The following BPIFC variants were observed in gnomAD, a reference collection of about 807,000 sequenced individuals.
The protein encoded by BPIFC is BPI fold-containing family C protein.
Under a neutral mutation model 57.6 loss-of-function variants are expected in BPIFC, and 60 were observed. The ratio of observed to expected loss-of-function variants is 1.04; its 90% CI spans 0.85 to 1.29. The LOEUF (loss-of-function observed/expected upper bound fraction) is 1.29, where lower values mean the gene tolerates loss of function less well. BPIFC is among the 50% of genes most tolerant of loss of function. The pLI, the probability that BPIFC is intolerant of heterozygous loss-of-function variation, is 0.00. For synonymous variants in BPIFC, 243 were observed against 224.5 expected (o/e 1.08, Z -0.74); for missense variants, 581 against 600.5 (o/e 0.97, Z 0.34).
intron 10 of BPIFC, among the ~76,000 whole-genome samples, chr22:32,434,838 A>G (rs1934345758): frequency 6.6e-6 from 1 of 152,204 alleles, no homozygotes; most frequent in African/African-American, 2.4e-5. Flanking sequence ...GCTCAATAAA[A>G]GTTTTTGGTT....
Position 32,442,672 on chromosome 22 carries a change from C to T in BPIFC, c.654G>A (p.Glu218=). The T allele has an allele frequency of 2.5e-6, 4 of 1,613,238 alleles. No homozygotes were observed. Among genetic ancestry groups the T allele is most frequent in the Non-Finnish European group, 3.4e-6 (4 of 1,179,270 alleles). Residue 218 remains glutamate (E), a splice_region_variant and synonymous_variant, in exon 8 of 17, where the codon GAG becomes GAA. Coordinates refer to ENST00000300399, the MANE Select transcript of BPIFC (RefSeq NM_174932.3). The part of the protein sequence containing the change: ...KALNANLSTL[E]VLTKIDNYTL... Reference sequence around the variant, plus strand: ...GGAAAAGACAGTTCTAAGACTCACCCTCCAGTGTGCTGAGGTTGGCATTTA... The same window carrying T: ...GGAAAAGACAGTTCTAAGACTCACCTTCCAGTGTGCTGAGGTTGGCATTTA...
chr22:32,432,291 C>T (rs539865781), intron 12 of BPIFC, 82 bp downstream of exon 12: 253 of 1,471,388 alleles, frequency 1.7e-4, no homozygotes, highest in Admixed American at 5.3e-4. Context: ...CCTCTTCAAA[C>T]GTTTAAAAGC....
chr22:32,433,788 C>A lies in BPIFC; in HGVS notation c.925-16G>T, dbSNP rs369245764. ...GGTTGGAAATCTGGAAAATAAAGCCCATTATGTCACTGTTAGGATTTTACG... is the reference window on the plus strand; with the variant it reads ...GGTTGGAAATCTGGAAAATAAAGCCAATTATGTCACTGTTAGGATTTTACG... On this transcript the variant is annotated splice_polypyrimidine_tract_variant and intron_variant, in intron 10 of 16. Transcript: ENST00000300399. The A allele has an allele frequency of 1.1e-5, 17 of 1,609,880 alleles. No homozygotes were observed. In the African/African-American group the frequency reaches 1.9e-4, roughly 18 times the overall value.
intron 4 of BPIFC, among the ~76,000 whole-genome samples, chr22:32,451,377 G>A (rs1231728472): frequency 6.6e-6 from 1 of 152,158 alleles, no homozygotes; most frequent in African/African-American, 2.4e-5. Flanking sequence ...ATACTCCTTT[G>A]GGTATATACC....
intron 3 of BPIFC, among the ~76,000 whole-genome samples, chr22:32,454,205 T>C (rs919988633): frequency 6.6e-6 from 1 of 152,190 alleles, no homozygotes; most frequent in East Asian, 1.9e-4. Context: ...CTGTGTGCTA[T>C]GGACAGTTCC....
At chr22:32,432,975 G>A (rs887167703) in intron 11 of BPIFC, among the ~76,000 whole-genome samples, 13 of 152,256 alleles carry the variant, frequency 8.5e-5, no homozygotes, top group South Asian at 2.1e-4. Flanking sequence ...GGCTGAGATC[G>A]GTGGATCACT....
chr22:32,443,064 G>A (rs997284305), intron 7 of BPIFC, among the ~76,000 whole-genome samples: 3 of 152,140 alleles, frequency 2.0e-5, no homozygotes, highest in Non-Finnish European at 4.4e-5. Flanking sequence ...ACCTGCTGCT[G>A]GAGCTGCTGT....
At chr22:32,436,343 GGAA>G (rs1459034098) in intron 9 of BPIFC, among the ~76,000 whole-genome samples, 3 of 81,134 alleles carry the variant, frequency 3.7e-5, no homozygotes, top group Admixed American at 1.2e-4. Context: ...AGAAAGAAGA[GGAA>G]GAGGAGGAGG....
chr22:32,433,046 T>C (rs755811196), intron 11 of BPIFC, among the ~76,000 whole-genome samples: 4 of 151,992 alleles, frequency 2.6e-5, no homozygotes, highest in Non-Finnish European at 4.4e-5. Flanking sequence ...CTACAAAAAA[T>C]AGAAAAATTA....
At chr22:32,443,852 G>A (rs984118684) in intron 7 of BPIFC, among the ~76,000 whole-genome samples, 3 of 152,328 alleles carry the variant, frequency 2.0e-5, no homozygotes, top group African/African-American at 4.8e-5. Context: ...CATTGAGTAA[G>A]TGTTAGCCGT....
intron 4 of BPIFC, among the ~76,000 whole-genome samples, chr22:32,449,095 T>C (rs769693276): frequency 2.6e-5 from 4 of 152,112 alleles, no homozygotes; most frequent in Middle Eastern, 3.4e-3. Context: ...GATAAGAAGA[T>C]AAAAAAAGTG....
intron 13 of BPIFC, among the ~76,000 whole-genome samples, chr22:32,428,442 G>A (rs1934135594): frequency 6.6e-6 from 1 of 152,072 alleles, no homozygotes; most frequent in Non-Finnish European, 1.5e-5. Context: ...CCTCTCATGG[G>A]CTTTTAAAGT....
In BPIFC at chr22:32,453,407, T is replaced by C; in HGVS notation, c.221A>G (p.Asp74Gly). ...CTTTGAAAAATTGTAGTTTACATAA[T>C]CAACTTTTAGAAATTCAAGAGACTC... Reference protein sequence around the residue: ...GSESLEFLKVDYVNYNFSNIK... With the variant: ...GSESLEFLKVGYVNYNFSNIK... Residue 74 changes from aspartate to glycine, a missense_variant, in exon 4 of 17, where the codon GAT becomes GGT. Asp to Gly is a moderately conservative substitution (Grantham distance 94). Coordinates refer to ENST00000300399, the MANE Select transcript of BPIFC (RefSeq NM_174932.3). 1.3e-6 allele frequency: 2 copies of C among 1,592,816 alleles called. No homozygotes were observed. The highest frequency in any genetic ancestry group is 8.5e-7 in the Non-Finnish European group (1 of 1,174,456).
chr22:32,437,001 T>C (rs738260), intron 9 of BPIFC, among the ~76,000 whole-genome samples: 1 of 152,302 alleles, frequency 6.6e-6, no homozygotes, highest in South Asian at 2.1e-4. Context: ...TGTTTTTCCA[T>C]GATCAGTGAA....
At chr22:32,426,731 A>C (rs1934078073) in intron 13 of BPIFC, among the ~76,000 whole-genome samples, 1 of 152,040 alleles carries the variant, frequency 6.6e-6, no homozygotes, top group East Asian at 1.9e-4. Context: ...GTCTCTACTA[A>C]AAATACAAAA....
chr22:32,457,510 A>AATCC (rs1555881113), intron 2 of BPIFC, 124 bp from the exon 3 acceptor site: 4 of 1,072,868 alleles, frequency 3.7e-6, no homozygotes, highest in Non-Finnish European at 5.3e-6. Flanking sequence ...ACATCCATCC[A>AATCC]ATCCATCCAT....
chr22:32,417,219 A>G, intron 14 of BPIFC, 71 bp from the exon 15 acceptor site: 1 of 1,117,552 alleles, frequency 8.9e-7, no homozygotes, highest in Non-Finnish European at 1.3e-6. Flanking sequence ...TTTGTTACCC[A>G]GGCTGGAGTG....
chr22:32,456,735 C>T (rs5749440), intron 3 of BPIFC, among the ~76,000 whole-genome samples: 41,277 of 151,944 alleles, frequency 0.27, 6,188 homozygotes, highest in East Asian at 0.57. Flanking sequence ...CACATCCCAA[C>T]GTTTGTCTCT....
At chr22:32,426,596 A>G (rs1214854209) in intron 13 of BPIFC, among the ~76,000 whole-genome samples, 1 of 152,176 alleles carries the variant, frequency 6.6e-6, no homozygotes, top group Non-Finnish European at 1.5e-5. Context: ...TGCCATCTCT[A>G]TCTTAAAATT....
Sources: gnomAD v4.1 joint callset for allele counts (sites outside exome capture counted in the v4.1 genomes callset) on GRCh38, gnomAD v4.1.1 for gene constraint, MANE v1.5 for transcripts, NCBI Gene and HGNC (gene_info 2026-07-23, HGNC 2026-07-21) for gene names.